Variants in DEGS1 observed in about 807,000 individuals in gnomAD.
DEGS1 encodes the protein sphingolipid delta(4)-desaturase DES1.
In DEGS1, 17 loss-of-function variants were observed where a neutral mutation model predicts 24.1. The ratio of observed to expected loss-of-function variants is 0.70; its 90% confidence interval spans 0.48 to 1.06. The LOEUF (loss-of-function observed/expected upper bound fraction) is 1.06, where lower values mean the gene tolerates loss of function less well. Among genes scored for constraint, DEGS1 ranks in the 50% least tolerant of loss-of-function variants. DEGS1 has a pLI of 0.00. For missense variants in DEGS1, 366 were observed against 408.9 expected (o/e 0.90, Z 0.91); for synonymous variants, 134 against 140.0 (o/e 0.96, Z 0.30).
At chr1:224,188,899 G>C (rs978689396) in intron 1 of DEGS1, among the ~76,000 whole-genome samples, 1 of 152,018 alleles carries the variant, frequency 6.6e-6, no homozygotes, top group Non-Finnish European at 1.5e-5. Flanking sequence ...AGGCCATGAA[G>C]ATTTATTTCT....
intron 2 of DEGS1, chr1:224,191,210 A>G (rs1658526971): frequency 6.6e-6 from 1 of 152,046 alleles, no homozygotes; most frequent in Non-Finnish European, 1.5e-5. Context: ...CAACATAGTG[A>G]AAGCCTGTCT....
chr1:224,187,181 G>A (rs1332210822), intron 1 of DEGS1, among the ~76,000 whole-genome samples: 1 of 151,884 alleles, frequency 6.6e-6, no homozygotes, highest in Non-Finnish European at 1.5e-5. Flanking sequence ...GGTGGTGGGC[G>A]CCTGTAATCC....
chr1:224,183,431 G>C lies in DEGS1; in HGVS notation c.82+13G>C. ...CGGGAGATCCTGGGTGAGGGCCAGC[G>C]GGCGCCCCGTTATGTGCGTGCGTGG... On this transcript the variant is annotated intron_variant, in intron 1 of 2. Transcript: ENST00000323699. 1 of 1,387,370 alleles carries C rather than the reference G, an allele frequency of 7.2e-7. No individual in the cohort carries two copies. The highest frequency in any genetic ancestry group is 1.7e-5 in the South Asian group (1 of 59,220). 85.9% of individuals were successfully genotyped at this position (1,387,370 alleles called of 1,614,324 possible).
Position 224,189,693 on chromosome 1 carries a change from A to G in DEGS1, c.199A>G (p.Lys67Glu). Residue 67 changes from lysine to glutamate, a missense_variant, in exon 2 of 3, where the codon AAA (lysine) becomes GAA (glutamate). Lys to Glu is a moderately conservative substitution (Grantham distance 56). Coordinates refer to ENST00000323699, the MANE Select transcript of DEGS1 (RefSeq NM_003676.4). Reference protein sequence around the residue: ...AFYIVKDLDWKWVIFGAYAFG... With the variant: ...AFYIVKDLDWEWVIFGAYAFG... ...TTACATAGTAAAAGACTTGGACTGG[A>G]AATGGGTCATATTTGGGGCCTATGC... 6.2e-7 allele frequency: 1 copy of G among 1,614,216 alleles called. No individual in the cohort carries two copies. The highest frequency in any genetic ancestry group is 1.1e-5 in the South Asian group (1 of 91,084).
rs1658485666 is a variant in DEGS1 at position 224,189,756 on chromosome 1, A to T, written c.262A>T (p.Ile88Phe). ...SCINHSMTLA[I>F]HEIAHNAAFG... ...CATTAACCACTCAATGACTCTGGCT[A>T]TTCATGAGATTGCCCACAATGCTGC... is the stretch of plus-strand genomic sequence containing the variant. Residue 88 changes from isoleucine (I) to phenylalanine (F), a missense_variant, in exon 2 of 3, where the codon ATT (isoleucine) becomes TTT (phenylalanine). Coordinates refer to ENST00000323699, the MANE Select transcript of DEGS1 (RefSeq NM_003676.4). 1.9e-6 allele frequency: 3 copies of T among 1,614,068 alleles called. No individual in the cohort carries two copies.
chr1:224,184,494 GTGTT>G (rs142924983), intron 1 of DEGS1, among the ~76,000 whole-genome samples: 26,012 of 141,096 alleles, frequency 0.18, 2,505 homozygotes, highest in East Asian at 0.39. Flanking sequence ...GAGACTGCAC[GTGTT>G]TGTTTTTTGT....
chr1:224,189,569 C>G lies in DEGS1; in HGVS notation c.83-8C>G. 6.5e-7 allele frequency: 1 copy of G among 1,546,504 alleles called. No homozygotes were observed. ...CTTAGTTCCTGTTTTTTTGTTTTTTCTTTACAGCAAAGTATCCAGAGATAA... is the reference window on the plus strand; with the variant it reads ...CTTAGTTCCTGTTTTTTTGTTTTTTGTTTACAGCAAAGTATCCAGAGATAA... On this transcript the variant is annotated splice_region_variant and splice_polypyrimidine_tract_variant and intron_variant, in intron 1 of 2. Coordinates refer to ENST00000323699, the MANE Select transcript of DEGS1 (RefSeq NM_003676.4).
rs1317591808 is a variant in DEGS1 at position 224,192,714 on chromosome 1, T to G, written c.*236T>G. 8 of 448,552 alleles carry G rather than the reference T, an allele frequency of 1.8e-5. No individual in the cohort carries two copies. The East Asian group carries it at 3.0e-4, about 17-fold the overall frequency. The allele number at this position is 448,552 out of a possible 1,614,324, so 27.8% of individuals were successfully genotyped here. A position where few individuals can be genotyped will look rare whatever the true frequency, so the allele number is the denominator to read the frequency against. On this transcript the variant is annotated 3_prime_UTR_variant, in exon 3 of 3. Coordinates refer to ENST00000323699, the MANE Select transcript of DEGS1 (RefSeq NM_003676.4). ...GTGTATTATCGTCATTGAGGATGTT[T>G]CACTCATGTCTGTCATTTTATAAGC...
chr1:224,190,981 C>G (rs887999963), intron 2 of DEGS1: 2 of 152,150 alleles, frequency 1.3e-5, no homozygotes, highest in Non-Finnish European at 2.9e-5. Flanking sequence ...CTCAGCCTCC[C>G]AAGTAGCTAG....
At chr1:224,191,668 C>T (rs967612136) in intron 2 of DEGS1, among the ~76,000 whole-genome samples, 1 of 134,550 alleles carries the variant, frequency 7.4e-6, no homozygotes, top group East Asian at 2.5e-4. Flanking sequence ...AATCTCGGCT[C>T]ACTGCAACCT....
chr1:224,188,205 C>G (rs1161917045), intron 1 of DEGS1, among the ~76,000 whole-genome samples: 1 of 152,136 alleles, frequency 6.6e-6, no homozygotes, highest in East Asian at 1.9e-4. Context: ...CTGTAGTGAG[C>G]TATGATGGCA....
At chr1:224,183,606 G>T (rs978745501) in intron 1 of DEGS1, 188 bp downstream of exon 1, 1 of 382,384 alleles carries the variant, frequency 2.6e-6, no homozygotes, top group Non-Finnish European at 4.4e-6. Context: ...GCGAGGAGCG[G>T]GGGGAGGGAC....
At chr1:224,184,360 G>C (rs904456319) in intron 1 of DEGS1, among the ~76,000 whole-genome samples, 6 of 152,136 alleles carry the variant, frequency 3.9e-5, no homozygotes, top group Non-Finnish European at 4.4e-5. Flanking sequence ...AATTCTACTT[G>C]GTTGGTATTA....
At position 224,183,240 on chromosome 1, in the gene DEGS1, A is replaced by C; in HGVS notation, c.-97A>C. ...CCGCGCTCCGCCACAGCCGGCCGAC[A>C]CCACACCAGCCGGGGAGCCGCCGCC... On this transcript the variant is annotated 5_prime_UTR_variant, in exon 1 of 3. Coordinates refer to ENST00000323699, the MANE Select transcript of DEGS1 (RefSeq NM_003676.4). 1.7e-6 allele frequency: 2 copies of C among 1,146,440 alleles called. No individual in the cohort carries two copies. The highest frequency in any genetic ancestry group is 3.3e-5 in the East Asian group (1 of 30,636). 71.0% of individuals were successfully genotyped at this position (1,146,440 alleles called of 1,614,324 possible).
At chr1:224,185,471 G>A (rs1303857413) in intron 1 of DEGS1, among the ~76,000 whole-genome samples, 3 of 152,182 alleles carry the variant, frequency 2.0e-5, no homozygotes, top group Admixed American at 2.0e-4. Flanking sequence ...AATTTGTTTG[G>A]CACATCACTT....
intron 2 of DEGS1, among the ~76,000 whole-genome samples, chr1:224,191,470 C>T (rs1045893509): frequency 1.3e-5 from 2 of 151,840 alleles, no homozygotes; most frequent in African/African-American, 4.8e-5. Context: ...GATTCTCTTG[C>T]CTTCCAGAAT....
chr1:224,188,516 T>TA (rs1658450547), intron 1 of DEGS1, among the ~76,000 whole-genome samples: 1 of 152,214 alleles, frequency 6.6e-6, no homozygotes, highest in African/African-American at 2.4e-5. Context: ...TCCTTGTTTT[T>TA]ACCTACCTTT....
rs748970743 is a variant in DEGS1 at position 224,192,523 on chromosome 1, T to G, written c.*45T>G. On this transcript the variant is annotated 3_prime_UTR_variant, in exon 3 of 3. Transcript: ENST00000323699. ...GATTCTTCTCCAAAACTTTAGATGA[T>G]AAAATGGAATTTTTGCATTATTAAA... The G allele has an allele frequency of 6.3e-7, 1 of 1,574,936 alleles. No individual in the cohort carries two copies. Among genetic ancestry groups the G allele is most frequent in the Admixed American group, 2.0e-5 (1 of 51,252 alleles).
chr1:224,187,241 G>C (rs1352479842), intron 1 of DEGS1, among the ~76,000 whole-genome samples: 1 of 152,148 alleles, frequency 6.6e-6, no homozygotes, highest in Non-Finnish European at 1.5e-5. Context: ...CCAGGAGGCA[G>C]AGGGTGCAGT....
Sources: allele counts gnomAD v4.1 joint callset (sites outside exome capture counted in the v4.1 genomes callset), GRCh38; gene constraint gnomAD v4.1.1; transcripts MANE v1.5; gene names NCBI Gene and HGNC (gene_info 2026-07-23, HGNC 2026-07-21).